Variants in SCAF4 observed in about 807,000 individuals in gnomAD.
The protein encoded by SCAF4 is SR-related CTD associated factor 4.
SCAF4 carries 25 observed loss-of-function variants against 129.8 expected under a neutral mutation model. The observed-to-expected ratio is 0.19, with a 90% CI of 0.14 to 0.27. The LOEUF is 0.27. SCAF4 is among the 10% of genes least tolerant of loss of function. SCAF4 has a pLI of 1.00. For missense variants in SCAF4, 1,246 were observed against 1,457.1 expected, an observed-to-expected ratio of 0.86 and a Z score of 2.36; for synonymous variants, 551 against 497.7, an observed-to-expected ratio of 1.11 and a Z score of -1.43.
At chr21:31,719,120 A>G (rs113269118) in intron 1 of SCAF4, among the ~76,000 whole-genome samples, 35,058 of 151,866 alleles carry the variant, frequency 0.23, 5,679 homozygotes, top group East Asian at 0.51. Context: ...GAGAAACCCC[A>G]TCTCTACTAA....
At chr21:31,717,450 C>T (rs2050945732) in intron 1 of SCAF4, among the ~76,000 whole-genome samples, 1 of 152,054 alleles carries the variant, frequency 6.6e-6, no homozygotes. Context: ...ATCTAACTTG[C>T]ATTAATTTTT....
chr21:31,694,311 TA>T, intron 10 of SCAF4, 22 bp from the exon 11 acceptor site: 1 of 1,437,160 alleles, frequency 7.0e-7, no homozygotes, highest in Non-Finnish European at 9.7e-7. Context: ...AAAACCATGA[TA>T]AAATGAGAAA....
chr21:31,672,232 G>C lies in SCAF4; in HGVS notation c.2611C>G (p.Gln871Glu), dbSNP rs1225909098. Residue 871 changes from glutamine (Q) to glutamate (E), a missense_variant, in exon 20 of 20, where the codon CAG becomes GAG. Transcript: ENST00000286835. ...RPPGMPPPHL[Q>E]RFPLMPPRPM... is the part of the protein sequence containing the mutation. ...CGGGGCGGCATCAAAGGGAACCGCT[G>C]TAAGTGAGGTGGGGGCATTCCTGGA... The C allele has an allele frequency of 1.9e-6, 3 of 1,612,140 alleles. No individual in the cohort carries two copies. The highest frequency in any genetic ancestry group is 2.5e-6 in the Non-Finnish European group (3 of 1,179,184).
At chr21:31,690,997 G>T in intron 14 of SCAF4, 44 bp from the exon 15 acceptor site, 1 of 1,538,824 alleles carries the variant, frequency 6.5e-7, no homozygotes, top group Non-Finnish European at 8.9e-7. Context: ...ACAAAGCAAG[G>T]TCGTAAGTCT....
chr21:31,688,475 G>A lies in SCAF4; in HGVS notation c.1886-11C>T. 1 of 1,607,594 alleles carries A rather than the reference G, an allele frequency of 6.2e-7. No homozygotes were observed. The highest frequency in any genetic ancestry group is 8.5e-7 in the Non-Finnish European group (1 of 1,175,494). ...GAATTCCTTTCCAATCTGTGAGCGT[G>A]AAAGAAATTTAACAAGAGTTTACCA... On this transcript the variant is annotated splice_polypyrimidine_tract_variant and intron_variant, in intron 15 of 19. Transcript: ENST00000286835.
intron 19 of SCAF4, chr21:31,684,192 T>C (rs961933665): frequency 5.9e-5 from 9 of 153,360 alleles, no homozygotes; most frequent in African/African-American, 2.2e-4. Flanking sequence ...CATATGCATA[T>C]ACCTTTGAAA....
Position 31,672,130 on chromosome 21 carries a change from T to C in SCAF4, c.2713A>G (p.Met905Val). The C allele has an allele frequency of 6.2e-7, 1 of 1,608,994 alleles. No homozygotes were observed. Among genetic ancestry groups the C allele is most frequent in the Admixed American group, 1.7e-5 (1 of 59,728 alleles). The part of the protein sequence containing the change: ...GGFAMPPPHG[M>V]KGPFPPHGPF... ...CCATGCGGTGGGAAGGGACCTTTCATTCCATGAGGTGGAGGCATCGCAAAG... is the reference window on the plus strand; with the variant it reads ...CCATGCGGTGGGAAGGGACCTTTCACTCCATGAGGTGGAGGCATCGCAAAG... The change falls in exon 20 of 20, where the codon ATG becomes GTG. Residue 905 changes from methionine (M) to valine (V), a missense_variant. By Grantham distance (21) the Met-to-Val change is conservative. Coordinates refer to ENST00000286835, the MANE Select transcript of SCAF4 (RefSeq NM_020706.2).
At chr21:31,722,257 T>C (rs192523843) in intron 1 of SCAF4, among the ~76,000 whole-genome samples, 80 of 152,276 alleles carry the variant, frequency 5.3e-4, no homozygotes, top group African/African-American at 1.8e-3. Flanking sequence ...AGATTTGATA[T>C]ACCTGTTCAT....
In SCAF4 at chr21:31,671,942, T is replaced by C. The variant is rs777676590; in HGVS notation, c.2901A>G (p.Pro967=). 1.6e-5 allele frequency: 26 copies of C among 1,607,852 alleles called. No individual in the cohort carries two copies. Among genetic ancestry groups the C allele is most frequent in the East Asian group, 4.5e-5 (2 of 44,826 alleles). Residue 967 remains proline, a synonymous_variant, in exon 20 of 20, where the codon CCA becomes CCG. Transcript: ENST00000286835. ...TTGGTGGAGGCTGTTGTGATGGTGGTGGCTGCTGCTGCTGCTGCTGCTGTG... is the reference window on the plus strand; with the variant it reads ...TTGGTGGAGGCTGTTGTGATGGTGGCGGCTGCTGCTGCTGCTGCTGCTGTG... ...QQPQQQQQQQ[P]PPSQQPPPTQ...
chr21:31,708,359 G>A (rs1338344209), intron 1 of SCAF4, among the ~76,000 whole-genome samples: 3 of 150,500 alleles, frequency 2.0e-5, no homozygotes, highest in Non-Finnish European at 4.4e-5. Context: ...CAGGCCAGGC[G>A]ACAGAGCGAG....
intron 3 of SCAF4, among the ~76,000 whole-genome samples, chr21:31,705,157 G>A (rs2050626526): frequency 6.6e-6 from 1 of 152,176 alleles, no homozygotes; most frequent in Non-Finnish European, 1.5e-5. Flanking sequence ...GGGCAAGGGG[G>A]TAGAGTAAGC....
At chr21:31,701,612 A>G (rs2050533929) in intron 6 of SCAF4, among the ~76,000 whole-genome samples, 164 bp downstream of exon 6, 2 of 152,172 alleles carry the variant, frequency 1.3e-5, no homozygotes, top group Admixed American at 1.3e-4. Flanking sequence ...TCACTTCTAC[A>G]TTTTCCCTGT....
intron 1 of SCAF4, among the ~76,000 whole-genome samples, chr21:31,721,109 A>ATATG (rs2051056691): frequency 6.6e-6 from 1 of 152,162 alleles, no homozygotes; most frequent in African/African-American, 2.4e-5. Context: ...ATCACCCCCA[A>ATATG]AACAAATCCC....
At chr21:31,684,852 A>C (rs2050076397) in intron 19 of SCAF4, 197 bp downstream of exon 19, 1 of 567,022 alleles carries the variant, frequency 1.8e-6, no homozygotes, top group South Asian at 2.1e-5. Flanking sequence ...GGTAAAGATC[A>C]AGTACACATA....
At chr21:31,675,070 T>G (rs945399115) in intron 19 of SCAF4, among the ~76,000 whole-genome samples, 1 of 152,162 alleles carries the variant, frequency 6.6e-6, no homozygotes, top group Non-Finnish European at 1.5e-5. Flanking sequence ...AAGACATTAC[T>G]AGCAGCTTTT....
chr21:31,690,201 C>G (rs992481200), intron 15 of SCAF4, among the ~76,000 whole-genome samples: 2 of 152,008 alleles, frequency 1.3e-5, no homozygotes, highest in Non-Finnish European at 2.9e-5. Flanking sequence ...AACCCAATAC[C>G]AGGCCAGGTG....
At chr21:31,693,680 A>G (rs112621649) in intron 11 of SCAF4, among the ~76,000 whole-genome samples, 196 bp from the exon 12 acceptor site, 1 of 152,222 alleles carries the variant, frequency 6.6e-6, no homozygotes, top group South Asian at 2.1e-4. Flanking sequence ...AATAAAATAC[A>G]CAATGTTGAC....
intron 5 of SCAF4, 99 bp downstream of exon 5, chr21:31,702,145 C>T (rs2050547589): frequency 6.6e-7 from 1 of 1,512,134 alleles, no homozygotes; most frequent in Non-Finnish European, 9.0e-7. Flanking sequence ...CTCAAGTTTC[C>T]TTCTTATAGA....
In SCAF4 at chr21:31,678,436, C is replaced by G. The variant is rs551726480; in HGVS notation, c.2489-6082G>C. The stretch of plus-strand genomic sequence containing the variant: ...CAACGTGGGCTAGCTCCCATCTCAT[C>G]TGCTGCAACAGCATCAGAACCGGTC... On this transcript the variant is annotated intron_variant, in intron 19 of 19. Transcript: ENST00000286835. Among the ~76,000 whole-genome samples, 8 of 152,324 alleles carry G rather than the reference C, an allele frequency of 5.3e-5. No individual in the cohort carries two copies. In the South Asian group the frequency reaches 1.7e-3, roughly 32 times the overall value.
Sources: allele counts gnomAD v4.1 joint callset (sites outside exome capture counted in the v4.1 genomes callset), GRCh38; gene constraint gnomAD v4.1.1; transcripts MANE v1.5; gene names NCBI Gene and HGNC (gene_info 2026-07-23, HGNC 2026-07-21).